Variants in FAM171A1 observed in about 807,000 individuals in gnomAD.
FAM171A1 encodes the protein protein FAM171A1.
Under a neutral mutation model 74.9 loss-of-function variants are expected in FAM171A1, and 23 were observed. That is an observed-to-expected ratio of 0.31 (90% CI 0.22 to 0.44). The LOEUF (loss-of-function observed/expected upper bound fraction) is 0.44. FAM171A1 is among the 20% of genes least tolerant of loss of function. FAM171A1 has a pLI of 1.00. For missense variants in FAM171A1, 1,162 were observed against 1,159.2 expected, an observed-to-expected ratio of 1.00 and a Z score of -0.03; for synonymous variants, 527 against 505.7, an observed-to-expected ratio of 1.04 and a Z score of -0.57.
At chr10:15,220,921 C>T (rs750455240) in intron 6 of FAM171A1, 23 bp downstream of exon 6, 19 of 1,575,460 alleles carry the variant, frequency 1.2e-5, no homozygotes, top group South Asian at 4.5e-5. Flanking sequence ...TCCGCATCAT[C>T]GCAAGTGTTG....
chr10:15,248,522 G>A (rs143050814), intron 5 of FAM171A1, 117 bp downstream of exon 5: 5 of 1,105,416 alleles, frequency 4.5e-6, no homozygotes, highest in Non-Finnish European at 6.4e-6. Flanking sequence ...AATGCAATGT[G>A]AGCAGCAGCA....
chr10:15,218,704 C>T (rs1833998456), intron 6 of FAM171A1, among the ~76,000 whole-genome samples: 1 of 152,068 alleles, frequency 6.6e-6, no homozygotes, highest in Non-Finnish European at 1.5e-5. Flanking sequence ...ACGGGATCCT[C>T]CTGCCTCAAC....
At chr10:15,244,142 T>C (rs11259574) in intron 5 of FAM171A1, among the ~76,000 whole-genome samples, 11,443 of 152,244 alleles carry the variant, frequency 0.075, 480 homozygotes, top group Middle Eastern at 0.19. Flanking sequence ...TCACTTGAGC[T>C]CAGGAGTTCG....
chr10:15,287,935 T>A (rs1835057798), intron 1 of FAM171A1, among the ~76,000 whole-genome samples: 1 of 152,086 alleles, frequency 6.6e-6, no homozygotes, highest in Admixed American at 6.5e-5. Flanking sequence ...TTTCCCTGAG[T>A]CCTCCAAATC....
chr10:15,335,345 A>C lies in FAM171A1; in HGVS notation c.97+35611T>G, dbSNP rs550182839. On this transcript the variant is annotated intron_variant, in intron 1 of 7. Transcript: ENST00000378116. The stretch of plus-strand genomic sequence containing the variant: ...AGAAGTCAACACACACACTCAAACA[A>C]GTTACCTCATTTTAACAGTGTTCTC... 1.4e-4 allele frequency among the ~76,000 whole-genome samples: 22 copies of C among 152,334 alleles called. No homozygotes were observed. In the South Asian group the frequency reaches 4.6e-3, roughly 32 times the overall value.
chr10:15,288,942 C>T (rs149841496), intron 1 of FAM171A1, among the ~76,000 whole-genome samples: 8,396 of 151,194 alleles, frequency 0.056, 294 homozygotes, highest in Middle Eastern at 0.079. Context: ...CCTGCCTCAG[C>T]CTCCCAAGTA....
chr10:15,339,792 T>G (rs534369803), intron 1 of FAM171A1, among the ~76,000 whole-genome samples: 1 of 151,930 alleles, frequency 6.6e-6, no homozygotes, highest in Non-Finnish European at 1.5e-5. Context: ...TACCCGAGAC[T>G]GGGTAATTTA....
chr10:15,294,085 G>A (rs867123773), intron 1 of FAM171A1, among the ~76,000 whole-genome samples: 45 of 152,268 alleles, frequency 3.0e-4, no homozygotes, highest in African/African-American at 1.0e-3. Flanking sequence ...GAGCAGCAGG[G>A]GTGCTCCCGG....
intron 3 of FAM171A1, among the ~76,000 whole-genome samples, chr10:15,263,927 C>A (rs1024735898): frequency 2.6e-5 from 4 of 151,704 alleles, no homozygotes; most frequent in Non-Finnish European, 1.5e-5. Flanking sequence ...TTCCGTCCGT[C>A]CGTCCGTCCA....
chr10:15,218,126 C>T (rs553766162), intron 6 of FAM171A1, among the ~76,000 whole-genome samples: 1 of 152,248 alleles, frequency 6.6e-6, no homozygotes, highest in African/African-American at 2.4e-5. Context: ...ATCATTCAGG[C>T]TGGAGTGCAG....
chr10:15,346,024 T>C (rs1835813733), intron 1 of FAM171A1, among the ~76,000 whole-genome samples: 1 of 152,158 alleles, frequency 6.6e-6, no homozygotes, highest in Non-Finnish European at 1.5e-5. Flanking sequence ...AAAGATTGTA[T>C]AGACAGCAGC....
At chr10:15,275,023 G>A (rs1267042037) in intron 3 of FAM171A1, among the ~76,000 whole-genome samples, 3 of 152,082 alleles carry the variant, frequency 2.0e-5, no homozygotes, top group African/African-American at 7.2e-5. Flanking sequence ...AACACCACAT[G>A]TTCTCACTCA....
In FAM171A1 at chr10:15,248,772, G is replaced by A. The variant is rs1834468657; in HGVS notation, c.621C>T (p.Ser207=). Reference sequence around the variant, plus strand: ...TTCCATTACTGCTCAGCAAGTGGACGCTGACGGCTGTGACTGGGGTCAGGT... The same window carrying A: ...TTCCATTACTGCTCAGCAAGTGGACACTGACGGCTGTGACTGGGGTCAGGT... ...RHDLTPVTAV[S]VHLLSSNGTP... The change falls in exon 5 of 8, where the codon AGC becomes AGT. Residue 207 remains serine, a synonymous_variant. Transcript: ENST00000378116. The A allele has an allele frequency of 1.2e-6, 2 of 1,613,000 alleles. No homozygotes were observed. The highest frequency in any genetic ancestry group is 1.7e-6 in the Non-Finnish European group (2 of 1,179,440).
chr10:15,230,497 T>C (rs1244787660), intron 5 of FAM171A1, among the ~76,000 whole-genome samples: 1 of 152,232 alleles, frequency 6.6e-6, no homozygotes, highest in African/African-American at 2.4e-5. Context: ...GGCAACTCAT[T>C]GTAACCAACG....
intron 2 of FAM171A1, 52 bp from the exon 3 acceptor site, chr10:15,275,999 G>A: frequency 1.5e-6 from 2 of 1,329,698 alleles, no homozygotes; most frequent in East Asian, 2.3e-5. Context: ...ATATTTAAGT[G>A]CCTACTCTAA....
chr10:15,287,590 G>A (rs761708645), intron 1 of FAM171A1, among the ~76,000 whole-genome samples: 4 of 151,902 alleles, frequency 2.6e-5, no homozygotes, highest in African/African-American at 4.8e-5. Flanking sequence ...CTTTCACCAC[G>A]TTGGCCGGGA....
At chr10:15,349,494 C>A (rs531299008) in intron 1 of FAM171A1, among the ~76,000 whole-genome samples, 14 of 152,280 alleles carry the variant, frequency 9.2e-5, no homozygotes, top group African/African-American at 3.4e-4. Context: ...ATTAAAGGAA[C>A]CTCCAAGTCA....
At chr10:15,361,442 G>A (rs1174107375) in intron 1 of FAM171A1, among the ~76,000 whole-genome samples, 1 of 152,156 alleles carries the variant, frequency 6.6e-6, no homozygotes, top group African/African-American at 2.4e-5. Context: ...CAGCATTTTG[G>A]GAGGCTGAGG....
chr10:15,244,066 T>C (rs1834399750), intron 5 of FAM171A1, among the ~76,000 whole-genome samples: 2 of 152,186 alleles, frequency 1.3e-5, no homozygotes, highest in Admixed American at 1.3e-4. Flanking sequence ...TAAAGATATC[T>C]AAATTGGCTA....
Sources: gnomAD v4.1 joint callset for allele counts (sites outside exome capture counted in the v4.1 genomes callset) on GRCh38, gnomAD v4.1.1 for gene constraint, MANE v1.5 for transcripts, NCBI Gene and HGNC (gene_info 2026-07-23, HGNC 2026-07-21) for gene names.